The following KCNMA1 variants were observed in gnomAD, a reference collection of about 807,000 sequenced individuals.
KCNMA1 encodes the protein potassium calcium-activated channel subfamily M alpha 1.
KCNMA1 carries 29 observed loss-of-function variants against 140.0 expected under a neutral mutation model. The observed-to-expected ratio is 0.21, with a 90% CI of 0.15 to 0.28. The LOEUF (loss-of-function observed/expected upper bound fraction) is 0.28. Ranked by LOEUF, KCNMA1 falls within the 10% of genes least tolerant of loss-of-function variation. The probability of loss-of-function intolerance (pLI) is 1.00; values close to 1 mark genes in which losing one functional copy is unlikely to be tolerated. For synonymous variants in KCNMA1, 612 were observed against 611.9 expected (o/e 1.00, Z 0.00); for missense variants, 880 against 1,602.2 (o/e 0.55, Z 7.70).
chr10:76,920,053 C>CATATATATAT (rs1181751813), intron 23 of KCNMA1, among the ~76,000 whole-genome samples: 1 of 95,478 alleles, frequency 1.0e-5, no homozygotes. Flanking sequence ...TATATATATA[C>CATATATATAT]ACACAATATT....
intron 1 of KCNMA1, among the ~76,000 whole-genome samples, chr10:77,413,524 C>A (rs2096667679): frequency 6.6e-6 from 1 of 152,212 alleles, no homozygotes; most frequent in East Asian, 1.9e-4. Context: ...AGCATGGGCA[C>A]CACCAGCTGG....
intron 2 of KCNMA1, among the ~76,000 whole-genome samples, chr10:77,289,715 T>C (rs985142675): frequency 2.6e-5 from 4 of 152,230 alleles, no homozygotes; most frequent in East Asian, 1.9e-4. Flanking sequence ...TTAATAGATA[T>C]AGTTTAAATA....
At chr10:77,090,280 C>T (rs559205052) in intron 10 of KCNMA1, 120 bp downstream of exon 10, 2 of 777,610 alleles carry the variant, frequency 2.6e-6, no homozygotes, top group African/African-American at 3.4e-5. Context: ...CATGGCTTAC[C>T]CAACTCTGGC....
chr10:76,949,450 GAATC>G, intron 21 of KCNMA1, 84 bp from the exon 22 acceptor site: 9 of 1,126,110 alleles, frequency 8.0e-6, no homozygotes, highest in Non-Finnish European at 1.2e-5. Flanking sequence ...TTTGTGCAAA[GAATC>G]AAGCAAATAT....
At chr10:77,510,975 T>G (rs971480236) in intron 1 of KCNMA1, among the ~76,000 whole-genome samples, 13 of 152,188 alleles carry the variant, frequency 8.5e-5, no homozygotes, top group African/African-American at 3.1e-4. Flanking sequence ...GAGTGAGCAG[T>G]GCTGCTCCAC....
chr10:77,012,074 T>G (rs201129775), intron 17 of KCNMA1, 31 bp from the exon 18 acceptor site: 1 of 1,612,828 alleles, frequency 6.2e-7, no homozygotes, highest in Non-Finnish European at 8.5e-7. Context: ...AACTGACACG[T>G]TTCATAATCC....
At chr10:77,266,978 A>C (rs947189822) in intron 2 of KCNMA1, among the ~76,000 whole-genome samples, 5 of 152,212 alleles carry the variant, frequency 3.3e-5, no homozygotes, top group African/African-American at 9.7e-5. Flanking sequence ...AGGGACAGAC[A>C]CTCAACAAAT....
At chr10:77,499,420 T>C (rs1244437758) in intron 1 of KCNMA1, among the ~76,000 whole-genome samples, 48 of 142,798 alleles carry the variant, frequency 3.4e-4, no homozygotes, top group Admixed American at 4.9e-4. Flanking sequence ...TATATATATA[T>C]ATACACACAC....
At chr10:77,284,673 C>T (rs1370917491) in intron 2 of KCNMA1, among the ~76,000 whole-genome samples, 1 of 151,944 alleles carries the variant, frequency 6.6e-6, no homozygotes, top group African/African-American at 2.4e-5. Flanking sequence ...GGCATCACAC[C>T]CAGCTAATTT....
rs902684720 is a variant in KCNMA1, at chr10:76,886,094, C to CAA, written c.*1170_*1171dup. 17 of 985,304 alleles carry CAA rather than the reference C, an allele frequency of 1.7e-5. No homozygotes were observed. Among genetic ancestry groups the CAA allele is most frequent in the Non-Finnish European group, 1.9e-5 (16 of 829,948 alleles). 61.0% of individuals were successfully genotyped at this position (985,304 alleles called of 1,614,324 possible). ...TGGCTGGCTTTTGTCTTTGTTGAGT[C>CAA]AACTGTGGCTGATCCTCCTACATTC... On this transcript the variant is annotated 3_prime_UTR_variant, in exon 28 of 28. Transcript: ENST00000286628.
chr10:77,589,784 G>A (rs1227381770), intron 1 of KCNMA1, among the ~76,000 whole-genome samples: 2 of 152,128 alleles, frequency 1.3e-5, no homozygotes, highest in East Asian at 1.9e-4. Context: ...TAAAGGCAGC[G>A]TGGGCCCAAA....
intron 1 of KCNMA1, among the ~76,000 whole-genome samples, chr10:77,431,837 T>C (rs1461000304): frequency 6.6e-6 from 1 of 150,980 alleles, no homozygotes; most frequent in Non-Finnish European, 1.5e-5. Context: ...CTCTAAAATA[T>C]AAAAAATTAG....
chr10:77,636,336 A>G, intron 1 of KCNMA1: 2 of 1,527,352 alleles, frequency 1.3e-6, no homozygotes, highest in Non-Finnish European at 8.8e-7. Context: ...GCAACCATAC[A>G]TCGAAGGTGT....
intron 14 of KCNMA1, among the ~76,000 whole-genome samples, chr10:77,068,652 T>C (rs2096054955): frequency 6.6e-6 from 1 of 150,378 alleles, no homozygotes; most frequent in African/African-American, 2.5e-5. Context: ...AAAACTGATT[T>C]ATTCAACAAA....
At chr10:77,496,440 C>CA (rs1249967309) in intron 1 of KCNMA1, among the ~76,000 whole-genome samples, 3 of 151,696 alleles carry the variant, frequency 2.0e-5, no homozygotes, top group Non-Finnish European at 2.9e-5. Flanking sequence ...ACTAAAAATA[C>CA]AAAAAAATTA....
intron 15 of KCNMA1, among the ~76,000 whole-genome samples, chr10:77,036,444 C>A (rs544668363): frequency 6.6e-6 from 1 of 152,198 alleles, no homozygotes; most frequent in Admixed American, 6.5e-5. Flanking sequence ...CCAATCCCAC[C>A]CTGCAAGGGA....
intron 2 of KCNMA1, among the ~76,000 whole-genome samples, chr10:77,351,365 T>C (rs2092857397): frequency 6.6e-6 from 1 of 152,226 alleles, no homozygotes; most frequent in Non-Finnish European, 1.5e-5. Context: ...ATTTCTGATT[T>C]GTGGAAAATT....
At chr10:77,002,880 G>C (rs2086952138) in intron 18 of KCNMA1, among the ~76,000 whole-genome samples, 1 of 152,134 alleles carries the variant, frequency 6.6e-6, no homozygotes, top group Admixed American at 6.5e-5. Context: ...CCTAAACTGA[G>C]GAGGTGTTAT....
At chr10:77,029,423 T>C (rs1346555023) in intron 15 of KCNMA1, among the ~76,000 whole-genome samples, 1 of 152,166 alleles carries the variant, frequency 6.6e-6, no homozygotes, top group Non-Finnish European at 1.5e-5. Flanking sequence ...TATTGATAGC[T>C]CCATTTTACA....
Sources: gnomAD v4.1 joint callset for allele counts (sites outside exome capture counted in the v4.1 genomes callset) on GRCh38, gnomAD v4.1.1 for gene constraint, MANE v1.5 for transcripts, NCBI Gene and HGNC (gene_info 2026-07-23, HGNC 2026-07-21) for gene names.